SEMA3D: variants seen among roughly 807,000 people sequenced by gnomAD.
The protein encoded by SEMA3D is semaphorin-3D.
SEMA3D carries 84 observed loss-of-function variants against 100.1 expected under a neutral mutation model. That is an observed-to-expected ratio of 0.84 (90% CI 0.70 to 1.01). SEMA3D has a LOEUF of 1.01. Among genes scored for constraint, SEMA3D ranks in the 50% least tolerant of loss-of-function variants. The pLI is 0.00. For missense variants in SEMA3D, 875 were observed against 934.1 expected (o/e 0.94, Z 0.82); for synonymous variants, 312 against 320.7 (o/e 0.97, Z 0.29).
At chr7:85,019,001 A>G (rs1475616315) in intron 14 of SEMA3D, among the ~76,000 whole-genome samples, 2 of 150,506 alleles carry the variant, frequency 1.3e-5, no homozygotes, top group Non-Finnish European at 2.9e-5. Flanking sequence ...GATGTTAAAG[A>G]TTTAAAGAAA....
chr7:85,121,666 A>G (rs1789416133), intron 3 of SEMA3D, 75 bp downstream of exon 3: 1 of 850,046 alleles, frequency 1.2e-6, no homozygotes, highest in Admixed American at 3.3e-5. Context: ...GCTTTTCTAA[A>G]AAGAAAAAAT....
chr7:85,072,440 G>A (rs1196239921), intron 6 of SEMA3D, among the ~76,000 whole-genome samples: 1 of 152,070 alleles, frequency 6.6e-6, no homozygotes, highest in Non-Finnish European at 1.5e-5. Context: ...CAATTCCACT[G>A]CAAGATCTTA....
intron 4 of SEMA3D, among the ~76,000 whole-genome samples, chr7:85,082,267 G>T (rs1442512596): frequency 1.3e-5 from 2 of 152,116 alleles, no homozygotes; most frequent in Non-Finnish European, 2.9e-5. Context: ...TTGAACTGGG[G>T]GGGTCTCAAC....
At chr7:85,177,705 T>C (rs1374396923) in intron 1 of SEMA3D, among the ~76,000 whole-genome samples, 1 of 152,224 alleles carries the variant, frequency 6.6e-6, no homozygotes, top group Non-Finnish European at 1.5e-5. Flanking sequence ...AAATGTGTTA[T>C]TTTATTAGAA....
chr7:85,179,673 T>C (rs1791341279), intron 1 of SEMA3D, among the ~76,000 whole-genome samples: 1 of 151,902 alleles, frequency 6.6e-6, no homozygotes, highest in African/African-American at 2.4e-5. Context: ...TTTTTTTTTT[T>C]TTTTTTGAGA....
intron 6 of SEMA3D, among the ~76,000 whole-genome samples, chr7:85,072,030 T>C (rs781373298): frequency 3.9e-5 from 6 of 152,218 alleles, no homozygotes; most frequent in Non-Finnish European, 8.8e-5. Context: ...ATTTATTCCA[T>C]TGAGACTTAA....
chr7:85,181,806 C>T, intron 1 of SEMA3D: 1 of 965,220 alleles, frequency 1.0e-6, no homozygotes, highest in Non-Finnish European at 1.2e-6. Context: ...TAAAGATGAC[C>T]TGGTTGATGG....
At chr7:85,073,583 C>T (rs1791837368) in intron 5 of SEMA3D, among the ~76,000 whole-genome samples, 1 of 152,082 alleles carries the variant, frequency 6.6e-6, no homozygotes, top group South Asian at 2.1e-4. Context: ...ATACATAGAA[C>T]ACAGAATTTA....
Position 84,996,802 on chromosome 7 carries a change from T to C in SEMA3D, c.*2638A>G, listed in dbSNP as rs998652732. ...CAATTTCTTAGCATATTTGAAACCA[T>C]TAACTATACTTTTCTTTTTCATTAT... On this transcript the variant is annotated 3_prime_UTR_variant, in exon 19 of 19. Coordinates refer to ENST00000284136, the MANE Select transcript of SEMA3D (RefSeq NM_001384900.1). 4 of 152,010 alleles carry C rather than the reference T, an allele frequency of 2.6e-5. No homozygotes were observed. The highest frequency in any genetic ancestry group is 9.7e-5 in the African/African-American group (4 of 41,444). The allele number at this position is 152,010 out of a possible 1,614,324, so 9.4% of individuals were successfully genotyped here.
chr7:85,170,134 T>C (rs1302807846), intron 1 of SEMA3D, among the ~76,000 whole-genome samples: 2 of 151,808 alleles, frequency 1.3e-5, no homozygotes, highest in African/African-American at 4.8e-5. Context: ...GGGCCCTAAA[T>C]ATTAAACATA....
chr7:85,214,312 T>A, the SEMA3D span, among the ~76,000 whole-genome samples: 57 of 152,162 alleles, frequency 3.7e-4, 1 homozygote, highest in African/African-American at 1.4e-3. Context: ...TATGCTTTAG[T>A]TGTACACATA....
At chr7:85,167,855 G>A (rs1249209725) in intron 1 of SEMA3D, among the ~76,000 whole-genome samples, 1 of 151,738 alleles carries the variant, frequency 6.6e-6, no homozygotes, top group African/African-American at 2.4e-5. Flanking sequence ...ATTATTAAAG[G>A]TGACCACATC....
At chr7:85,205,662 A>G in the SEMA3D span, among the ~76,000 whole-genome samples, 1 of 152,044 alleles carries the variant, frequency 6.6e-6, no homozygotes, top group South Asian at 2.1e-4. Flanking sequence ...CCCCTAAATC[A>G]TGACCTAGTG....
intron 18 of SEMA3D, among the ~76,000 whole-genome samples, chr7:85,000,509 T>C (rs894499819): frequency 3.9e-5 from 6 of 152,204 alleles, no homozygotes; most frequent in African/African-American, 1.4e-4. Context: ...AGTAGGACCC[T>C]AGTCAGAAGA....
intron 1 of SEMA3D, among the ~76,000 whole-genome samples, chr7:85,171,601 T>G (rs17562848): frequency 0.2 from 30,035 of 151,766 alleles, 3,057 homozygotes; most frequent in Non-Finnish European, 0.23. Flanking sequence ...ACCCACTGTT[T>G]GATAGGCAGG....
At chr7:85,068,334 CAGTA>C (rs1459489916) in intron 6 of SEMA3D, 50 bp from the exon 7 acceptor site, 2 of 987,512 alleles carry the variant, frequency 2.0e-6, no homozygotes, top group Non-Finnish European at 3.2e-6. Flanking sequence ...ATATTACAAA[CAGTA>C]AGAATGTGGG....
In SEMA3D at chr7:85,018,240, G is replaced by T. The variant is rs772292987; in HGVS notation, c.1545+12C>A. ...TTTTGTGATTAACTTTCATACAAAA[G>T]TTAAAAAGTACCTGCTTCAGAGACA... On this transcript the variant is annotated intron_variant, in intron 15 of 18. Coordinates refer to ENST00000284136, the MANE Select transcript of SEMA3D (RefSeq NM_001384900.1). 1.3e-6 allele frequency: 2 copies of T among 1,564,372 alleles called. No individual in the cohort carries two copies. The highest frequency in any genetic ancestry group is 1.7e-5 in the Admixed American group (1 of 59,472).
the SEMA3D span, among the ~76,000 whole-genome samples, chr7:85,201,839 C>T: frequency 6.6e-6 from 1 of 151,966 alleles, no homozygotes; most frequent in South Asian, 2.1e-4. Context: ...CATCCTCCTG[C>T]CTTAGCTTCC....
rs898603603 is a variant in SEMA3D, at chr7:85,140,599, C to A, written c.-41+13009G>T. 1.1e-4 allele frequency: 93 copies of A among 876,708 alleles called. No individual in the cohort carries two copies. The African/African-American group carries it at 1.6e-3, about 15-fold the overall frequency. The allele number at this position is 876,708 out of a possible 1,614,324, so 54.3% of individuals were successfully genotyped here. On this transcript the variant is annotated intron_variant, in intron 2 of 18. Coordinates refer to ENST00000284136, the MANE Select transcript of SEMA3D (RefSeq NM_001384900.1). ...TATCTATATCTATATCTATATATCT[C>A]TATATATAATAATCATATTATTTAC...
Sources: gnomAD v4.1 joint callset for allele counts (sites outside exome capture counted in the v4.1 genomes callset) on GRCh38, gnomAD v4.1.1 for gene constraint, MANE v1.5 for transcripts, NCBI Gene and HGNC (gene_info 2026-07-23, HGNC 2026-07-21) for gene names.